Variants in DDX31 observed in about 807,000 individuals in gnomAD.
DDX31 encodes DEAD-box helicase 31, also known as ATP-dependent DNA helicase DDX31.
Under a neutral mutation model 91.3 loss-of-function variants are expected in DDX31, and 70 were observed. The ratio of observed to expected loss-of-function variants is 0.77; its 90% confidence interval spans 0.63 to 0.94. The LOEUF is 0.94. DDX31 is among the 40% of genes least tolerant of loss of function. The pLI is 0.00. For missense variants in DDX31, 902 were observed against 925.0 expected (o/e 0.98, Z 0.32); for synonymous variants, 362 against 350.6 (o/e 1.03, Z -0.36).
chr9:132,619,884 T>G (rs1463989663), intron 17 of DDX31, among the ~76,000 whole-genome samples: 6 of 152,046 alleles, frequency 3.9e-5, no homozygotes, highest in Middle Eastern at 3.4e-3. Context: ...CCCTGTGTTT[T>G]TTTTTTTTTT....
At chr9:132,656,232 T>C (rs1471349375) in intron 6 of DDX31, among the ~76,000 whole-genome samples, 6 of 152,324 alleles carry the variant, frequency 3.9e-5, no homozygotes, top group African/African-American at 1.4e-4. Context: ...GATAAGCTTT[T>C]TACAGGTCAA....
At chr9:132,625,471 G>A (rs1404857446) in intron 17 of DDX31, among the ~76,000 whole-genome samples, 193 bp downstream of exon 17, 1 of 151,722 alleles carries the variant, frequency 6.6e-6, no homozygotes, top group African/African-American at 2.4e-5. Context: ...CTAGATGAGA[G>A]TGGCAAACGC....
At chr9:132,599,696 C>T (rs531231680) in intron 19 of DDX31, among the ~76,000 whole-genome samples, 4 of 152,284 alleles carry the variant, frequency 2.6e-5, no homozygotes, top group African/African-American at 9.6e-5. Flanking sequence ...TTTGATTTTG[C>T]GAGGGTGTAG....
intron 3 of DDX31, among the ~76,000 whole-genome samples, chr9:132,661,837 G>A (rs562488011): frequency 3.3e-5 from 5 of 152,130 alleles, no homozygotes; most frequent in African/African-American, 1.2e-4. Flanking sequence ...AACTGTGGAC[G>A]TCCTTTAACA....
rs1040447493 is a variant in DDX31, at chr9:132,610,149, C to T, written c.1994+1938G>A. Reference sequence around the variant, plus strand: ...GGATCTGGGAACCCAGTTCCCAGGCCCCGCAGCCTAGAATCCTGGCACAGC... The same window carrying T: ...GGATCTGGGAACCCAGTTCCCAGGCTCCGCAGCCTAGAATCCTGGCACAGC... On this transcript the variant is annotated intron_variant, in intron 19 of 19. Transcript: ENST00000372159. Among the ~76,000 whole-genome samples, 5 of 152,238 alleles carry T rather than the reference C, an allele frequency of 3.3e-5. No individual in the cohort carries two copies. The East Asian group carries it at 9.7e-4, about 29-fold the overall frequency.
In DDX31 at chr9:132,648,630, T is replaced by C. The variant is rs527356838; in HGVS notation, c.741-79A>G. On this transcript the variant is annotated intron_variant, in intron 9 of 19. Transcript: ENST00000372159. Reference sequence around the variant, plus strand: ...TAGAAAACACAGGAAAAAGGCAAAATAGACAGACTCATTTCATGTACAGTG... The same window carrying C: ...TAGAAAACACAGGAAAAAGGCAAAACAGACAGACTCATTTCATGTACAGTG... 24 of 1,505,644 alleles carry C rather than the reference T, an allele frequency of 1.6e-5. No homozygotes were observed. The African/African-American group carries it at 2.5e-4, about 16-fold the overall frequency. The allele number at this position is 1,505,644 out of a possible 1,614,324, so 93.3% of individuals were successfully genotyped here.
At chr9:132,606,186 C>T (rs969863903) in intron 19 of DDX31, among the ~76,000 whole-genome samples, 1 of 152,192 alleles carries the variant, frequency 6.6e-6, no homozygotes, top group African/African-American at 2.4e-5. Context: ...TTTGGCCAAT[C>T]TGTCTTTTTA....
Position 132,595,355 on chromosome 9 carries a change from T to A in DDX31, c.1995-243A>T, listed in dbSNP as rs1412664829. On this transcript the variant is annotated intron_variant, in intron 19 of 19. Transcript: ENST00000372159. This position sits in a 1 kb window ranked among gnomAD's most constrained non-coding sequence, Gnocchi z 4.6. ...CATTTTTAAAAGTGAGGCTTTGTTC[T>A]GTGTTGTTTTCATGGGGAAAAAAAG... Among the ~76,000 whole-genome samples the A allele has an allele frequency of 6.6e-6, 1 of 152,234 alleles. No individual in the cohort carries two copies. Among genetic ancestry groups the A allele is most frequent in the Non-Finnish European group, 1.5e-5 (1 of 68,038 alleles).
In DDX31 at chr9:132,647,019, A is replaced by T; in HGVS notation, c.1007T>A (p.Val336Asp). ...RLADISLHDPVSISVLDKSHD... is the reference protein window; with the variant it reads ...RLADISLHDPDSISVLDKSHD... ...GCTCTTGTCCAGGACAGAAATACTG[A>T]CTGGATCATGCAAACTGATATCAGC... Residue 336 changes from valine to aspartate, a missense_variant, in exon 12 of 20, where the codon GTC becomes GAC. Physicochemically the swap from Val to Asp is radical, Grantham distance 152. Transcript: ENST00000372159. 6.2e-7 allele frequency: 1 copy of T among 1,614,186 alleles called. No individual in the cohort carries two copies. Among genetic ancestry groups the T allele is most frequent in the Non-Finnish European group, 8.5e-7 (1 of 1,180,034 alleles).
intron 14 of DDX31, among the ~76,000 whole-genome samples, chr9:132,635,783 A>G (rs9785276): frequency 0.31 from 46,931 of 151,154 alleles, 7,582 homozygotes; most frequent in Middle Eastern, 0.42. Flanking sequence ...CATCTCTACT[A>G]AAAACACAAA....
intron 13 of DDX31, among the ~76,000 whole-genome samples, chr9:132,644,929 C>T (rs1049745961): frequency 6.6e-6 from 1 of 152,112 alleles, no homozygotes; most frequent in Non-Finnish European, 1.5e-5. Context: ...AACAAGTTCG[C>T]TTTTCTGGGC....
At chr9:132,609,228 G>A (rs118039985) in intron 19 of DDX31, among the ~76,000 whole-genome samples, 2,416 of 152,252 alleles carry the variant, frequency 0.016, 48 homozygotes, top group South Asian at 0.076. Flanking sequence ...TCCCTGCCGC[G>A]CCAGCCAGAC....
chr9:132,628,148 G>A (rs1354862332), intron 16 of DDX31, among the ~76,000 whole-genome samples: 8 of 152,216 alleles, frequency 5.3e-5, no homozygotes, highest in Admixed American at 5.2e-4. Context: ...TAATAACCCA[G>A]ATTCTGATGT....
intron 14 of DDX31, chr9:132,638,196 T>G: frequency 6.8e-7 from 1 of 1,480,678 alleles, no homozygotes; most frequent in Non-Finnish European, 9.0e-7. Context: ...CCAGGGACAA[T>G]CAAGGACAGC....
In DDX31 at chr9:132,625,415, C is replaced by G. The variant is rs140527051; in HGVS notation, c.1713+249G>C. On this transcript the variant is annotated intron_variant, in intron 17 of 19. Transcript: ENST00000372159. ...TGGCCTGGACCTCCTTTCTGGGGAGCCTGCTGCTGTCTGGCAGGCTTCCAG... is the reference window on the plus strand; with the variant it reads ...TGGCCTGGACCTCCTTTCTGGGGAGGCTGCTGCTGTCTGGCAGGCTTCCAG... Among the ~76,000 whole-genome samples, 233 of 152,124 alleles carry G rather than the reference C, an allele frequency of 1.5e-3. 5 individuals are homozygous for G. The highest frequency in any genetic ancestry group is 0.014 in the Admixed American group (213 of 15,292).
At chr9:132,616,299 T>C (rs540115053) in intron 18 of DDX31, among the ~76,000 whole-genome samples, 1 of 152,316 alleles carries the variant, frequency 6.6e-6, no homozygotes, top group East Asian at 1.9e-4. Context: ...TACATAAACA[T>C]TGGGAAGTGA....
At position 132,618,572 on chromosome 9, in the gene DDX31, A is replaced by G. The variant is rs115870418; in HGVS notation, c.1714-131T>C. The stretch of plus-strand genomic sequence containing the variant: ...AGGGCCAACAAGGGTAATCCTTTCA[A>G]TATTACTAGGAAAAAAGGGAGCTAT... On this transcript the variant is annotated intron_variant, in intron 17 of 19. Coordinates refer to ENST00000372159, the MANE Select transcript of DDX31 (RefSeq NM_022779.9). The G allele has an allele frequency of 5.3e-3, 3,377 of 642,934 alleles. 92 individuals carry two copies. In the African/African-American group the frequency reaches 0.057, roughly 11 times the overall value. 39.8% of individuals were successfully genotyped at this position (642,934 alleles called of 1,614,324 possible).
In DDX31 at chr9:132,600,308, G is replaced by C. The variant is rs531175835; in HGVS notation, c.1995-5196C>G. Among the ~76,000 whole-genome samples, 152 of 152,332 alleles carry C rather than the reference G, an allele frequency of 1.0e-3. 1 individual carries two copies. The highest frequency in any genetic ancestry group is 3.6e-3 in the African/African-American group (151 of 41,576). On this transcript the variant is annotated intron_variant, in intron 19 of 19. Coordinates refer to ENST00000372159, the MANE Select transcript of DDX31 (RefSeq NM_022779.9). Reference sequence around the variant, plus strand: ...ATTTCTTAGGATCCAATCAAGTCTAGCTTTTGTAAAACTACCAGAGCCCCA... The same window carrying C: ...ATTTCTTAGGATCCAATCAAGTCTACCTTTTGTAAAACTACCAGAGCCCCA...
rs182619230 is a variant in DDX31, at chr9:132,594,860, G to A, written c.*6C>T. 1.2e-6 allele frequency: 2 copies of A among 1,611,906 alleles called. No homozygotes were observed. Among genetic ancestry groups the A allele is most frequent in the East Asian group, 4.5e-5 (2 of 44,842 alleles). ...TCCAGGTTCCACTCGAAGACCCAGAGAGATTTTAAACTTTCTGGGAAGTCT... is the reference window on the plus strand; with the variant it reads ...TCCAGGTTCCACTCGAAGACCCAGAAAGATTTTAAACTTTCTGGGAAGTCT... On this transcript the variant is annotated 3_prime_UTR_variant, in exon 20 of 20. Transcript: ENST00000372159.
Sources: gnomAD v4.1 joint callset for allele counts (sites outside exome capture counted in the v4.1 genomes callset) on GRCh38, gnomAD v4.1.1 for gene constraint, Gnocchi (gnomAD v3.1) non-coding constraint, MANE v1.5 for transcripts, NCBI Gene and HGNC (gene_info 2026-07-23, HGNC 2026-07-21) for gene names.